SNX24: variants seen among roughly 807,000 people sequenced by gnomAD.
The protein encoded by SNX24 is sorting nexin 24, also known as sorting nexin-24.
In SNX24, 22 loss-of-function variants were observed where a neutral mutation model predicts 28.7. The observed-to-expected ratio is 0.77, with a 90% confidence interval of 0.55 to 1.10. SNX24 has a LOEUF of 1.10. Among genes scored for constraint, SNX24 ranks in the 50% least tolerant of loss-of-function variants. The pLI, the probability that SNX24 is intolerant of heterozygous loss-of-function variation, is 0.00. For synonymous variants in SNX24, 69 were observed against 71.5 expected (o/e 0.96, Z 0.18); for missense variants, 221 against 201.1 (o/e 1.10, Z -0.60).
At chr5:122,855,437 A>G (rs1755139384) in intron 1 of SNX24, among the ~76,000 whole-genome samples, 1 of 152,172 alleles carries the variant, frequency 6.6e-6, no homozygotes, top group Admixed American at 6.5e-5. Context: ...ATTTCTCTGT[A>G]GCATGTGATG....
chr5:122,904,133 AG>A (rs1307845933), intron 1 of SNX24, among the ~76,000 whole-genome samples: 3 of 151,986 alleles, frequency 2.0e-5, no homozygotes, highest in Non-Finnish European at 4.4e-5. Context: ...TGAGAATGAT[AG>A]ATTGTTGAAG....
Position 123,000,105 on chromosome 5 carries a change from CG to C in SNX24, c.344+101del, listed in dbSNP as rs1762194062. The C allele has an allele frequency of 9.9e-6, 8 of 810,072 alleles. No individual in the cohort carries two copies. In the South Asian group the frequency reaches 1.2e-4, roughly 12 times the overall value. The allele number at this position is 810,072 out of a possible 1,614,324, so 50.2% of individuals were successfully genotyped here. On this transcript the variant is annotated intron_variant, in intron 4 of 6. Coordinates refer to ENST00000261369, the MANE Select transcript of SNX24 (RefSeq NM_014035.4). ...CCAGAGTGATGCCCGAGTAGCCTGC[CG>C]GCCACGCCCACTCTTTTGGCTTGCT...
At chr5:122,908,433 C>T (rs1757740648) in intron 1 of SNX24, among the ~76,000 whole-genome samples, 1 of 152,180 alleles carries the variant, frequency 6.6e-6, no homozygotes, top group Admixed American at 6.5e-5. Context: ...TAGCAGCCGG[C>T]ACTTTTCCCA....
At chr5:122,880,415 C>T (rs1756426465) in intron 1 of SNX24, among the ~76,000 whole-genome samples, 1 of 152,150 alleles carries the variant, frequency 6.6e-6, no homozygotes, top group African/African-American at 2.4e-5. Context: ...AGCTACTGCC[C>T]ACATGCCCTT....
At chr5:123,009,528 A>T (rs1762521738), downstream of SNX24, among the ~76,000 whole-genome samples, 1 of 152,182 alleles carries the variant, frequency 6.6e-6, no homozygotes, top group Non-Finnish European at 1.5e-5. Context: ...TATTTATGTA[A>T]ATTTTATTTC....
chr5:122,859,510 G>A (rs1003006246), intron 1 of SNX24, among the ~76,000 whole-genome samples: 5 of 152,246 alleles, frequency 3.3e-5, no homozygotes, highest in African/African-American at 1.2e-4. Flanking sequence ...GCTGAGGTGG[G>A]AGGATTGCTT....
At chr5:123,017,214 T>A (rs957393457) in intron 5 of SNX24, among the ~76,000 whole-genome samples, 7 of 151,990 alleles carry the variant, frequency 4.6e-5, no homozygotes, top group Non-Finnish European at 1.0e-4. Context: ...CAAATGGGGA[T>A]TCGAATTTAA....
chr5:122,974,069 T>G (rs246319), intron 3 of SNX24, among the ~76,000 whole-genome samples: 11 of 152,130 alleles, frequency 7.2e-5, no homozygotes, highest in African/African-American at 2.4e-4. Context: ...AGTAATGTGT[T>G]GCCTCCAAAA....
intron 1 of SNX24, among the ~76,000 whole-genome samples, chr5:122,850,730 T>A (rs1422571682): frequency 6.6e-6 from 1 of 150,474 alleles, no homozygotes; most frequent in Non-Finnish European, 1.5e-5. Flanking sequence ...TTTTGGAGTC[T>A]AGGGTGGATT....
chr5:122,864,090 G>A (rs1388921818), intron 1 of SNX24, among the ~76,000 whole-genome samples: 2 of 152,186 alleles, frequency 1.3e-5, no homozygotes, highest in East Asian at 3.9e-4. Context: ...GGTTACATGA[G>A]TCATGTCTTA....
chr5:122,876,534 G>A (rs1756231368), intron 1 of SNX24, among the ~76,000 whole-genome samples: 2 of 152,160 alleles, frequency 1.3e-5, no homozygotes, highest in Non-Finnish European at 2.9e-5. Flanking sequence ...TTATGTTTAT[G>A]TTATAAAGTA....
chr5:122,856,620 A>G (rs1561510803), intron 1 of SNX24, among the ~76,000 whole-genome samples: 2 of 151,470 alleles, frequency 1.3e-5, no homozygotes, highest in Non-Finnish European at 2.9e-5. Flanking sequence ...GGTTCAAACA[A>G]TTCTCATGCC....
chr5:122,946,014 G>GC lies in SNX24; in HGVS notation c.145-41_145-40insC. The GC allele has an allele frequency of 8.0e-6, 7 of 877,522 alleles. No individual in the cohort carries two copies. In the South Asian group the frequency reaches 1.6e-4, roughly 20 times the overall value. 54.4% of individuals were successfully genotyped at this position (877,522 alleles called of 1,614,324 possible). ...ATCACTATAATTAACAGACATCTCT[G>GC]TTTTTTTTTTTCTTTTTCTTTTCCT... On this transcript the variant is annotated intron_variant, in intron 2 of 6. Transcript: ENST00000261369.
At chr5:122,858,769 T>C (rs1755322143) in intron 1 of SNX24, among the ~76,000 whole-genome samples, 1 of 149,748 alleles carries the variant, frequency 6.7e-6, no homozygotes, top group Non-Finnish European at 1.5e-5. Flanking sequence ...TTATGACTTA[T>C]GAATGAAGTT....
intron 5 of SNX24, among the ~76,000 whole-genome samples, chr5:123,015,618 T>C (rs1762666186): frequency 6.6e-6 from 1 of 152,186 alleles, no homozygotes; most frequent in Non-Finnish European, 1.5e-5. Flanking sequence ...TACCCCAGAC[T>C]TGCTGAATCA....
Position 122,936,821 on chromosome 5 carries a change from A to AAAAACTCCAGAAATCC in SNX24, c.144+4_144+5insAAAACTCCAGAAATCC. Reference sequence around the variant, plus strand: ...ATTTCATGCTTTGCACAAAAAGGTAACTTGTTTTCTGTTTTTTTGTCTTTT... The same window carrying AAAAACTCCAGAAATCC: ...ATTTCATGCTTTGCACAAAAAGGTAAAAAACTCCAGAAATCCCTTGTTTTCTGTTTTTTTGTCTTTT... On this transcript the variant is annotated splice_donor_region_variant and intron_variant, in intron 2 of 6. Coordinates refer to ENST00000261369, the MANE Select transcript of SNX24 (RefSeq NM_014035.4). 1 of 1,594,612 alleles carries AAAAACTCCAGAAATCC rather than the reference A, an allele frequency of 6.3e-7. No homozygotes were observed. Among genetic ancestry groups the AAAAACTCCAGAAATCC allele is most frequent in the Non-Finnish European group, 8.6e-7 (1 of 1,164,748 alleles).
intron 1 of SNX24, among the ~76,000 whole-genome samples, chr5:122,848,381 CCACTGAG>C (rs1003387993): frequency 4.6e-5 from 7 of 152,166 alleles, no homozygotes; most frequent in African/African-American, 1.7e-4. Context: ...TAGGCGCGGG[CCACTGAG>C]CCCGACCTGT....
At chr5:122,930,019 C>T (rs1758881234) in intron 1 of SNX24, among the ~76,000 whole-genome samples, 1 of 152,148 alleles carries the variant, frequency 6.6e-6, no homozygotes, top group Admixed American at 6.5e-5. Context: ...CATTAAAGCT[C>T]ACACACTATC....
At chr5:122,952,534 A>G (rs1759994162) in intron 3 of SNX24, among the ~76,000 whole-genome samples, 2 of 152,152 alleles carry the variant, frequency 1.3e-5, no homozygotes, top group African/African-American at 4.8e-5. Context: ...CTGCTGACAT[A>G]CTAGCAAAGG....
Sources: allele counts gnomAD v4.1 joint callset (sites outside exome capture counted in the v4.1 genomes callset), GRCh38; gene constraint gnomAD v4.1.1; transcripts MANE v1.5; gene names NCBI Gene and HGNC (gene_info 2026-07-23, HGNC 2026-07-21).